BEND2: variants seen among roughly 807,000 people sequenced by gnomAD.
BEND2 encodes the protein BEN domain containing 2.
Under a neutral mutation model 43.8 loss-of-function variants are expected in BEND2, and 19 were observed. The ratio of observed to expected loss-of-function variants is 0.43; its 90% confidence interval spans 0.30 to 0.64. BEND2 has a LOEUF of 0.64. Ranked by LOEUF, BEND2 falls within the 30% of genes least tolerant of loss-of-function variation. BEND2 has a pLI of 0.11. For missense variants in BEND2, 544 were observed against 574.0 expected, an observed-to-expected ratio of 0.95 and a Z score of 0.53; for synonymous variants, 226 against 210.1, an observed-to-expected ratio of 1.08 and a Z score of -0.66.
intron 13 of BEND2, 152 bp downstream of exon 13, chrX:18,170,849 C>T (rs1386960604): frequency 1.0e-6 from 1 of 995,050 alleles, no homozygotes; most frequent in African/African-American, 1.9e-5. Flanking sequence ...AATTCATGAT[C>T]TTGCTCCTTG....
chrX:18,220,389 G>A lies in BEND2; in HGVS notation c.25+337C>T, dbSNP rs186828840. On this transcript the variant is annotated intron_variant, in intron 1 of 13. Coordinates refer to ENST00000380033, the MANE Select transcript of BEND2 (RefSeq NM_153346.5). ...GGGCAACCAGGCCCAGCCTCTTGACGCACTCTCGGCACAAGCCCAAGTCAC... is the reference window on the plus strand; with the variant it reads ...GGGCAACCAGGCCCAGCCTCTTGACACACTCTCGGCACAAGCCCAAGTCAC... Among the ~76,000 whole-genome samples the A allele has an allele frequency of 2.5e-3, 277 of 112,153 alleles. 2 individuals carry two copies. In the Middle Eastern group the frequency reaches 0.051, roughly 21 times the overall value.
intron 13 of BEND2, 25 bp downstream of exon 13, chrX:18,170,976 C>A: frequency 8.3e-7 from 1 of 1,207,801 alleles, no homozygotes. Flanking sequence ...TTTATTTATT[C>A]AGACATACTC....
intron 11 of BEND2, among the ~76,000 whole-genome samples, chrX:18,174,751 G>A (rs1443205525): frequency 4.5e-5 from 5 of 110,684 alleles, no homozygotes; most frequent in African/African-American, 1.3e-4. Flanking sequence ...GAGCTCAGGC[G>A]TTAGTAACTA....
At chrX:18,208,786 G>A (rs962359441) in intron 4 of BEND2, among the ~76,000 whole-genome samples, 1 of 111,510 alleles carries the variant, frequency 9.0e-6, no homozygotes, top group African/African-American at 3.3e-5. Context: ...AAATATAGAT[G>A]TATGTGTGTG....
intron 8 of BEND2, 121 bp from the exon 9 acceptor site, chrX:18,180,771 C>CTCTTTTTTTTTTTTCTTTCTT: frequency 2.0e-6 from 1 of 497,227 alleles, no homozygotes; most frequent in South Asian, 3.9e-5. Context: ...AGCAGACCTA[C>CTCTTTTTTTTTTTTCTTTCTT]TCTTTTTTTT....
At chrX:18,210,548 GCTT>G in intron 4 of BEND2, among the ~76,000 whole-genome samples, 1 of 111,923 alleles carries the variant, frequency 8.9e-6, no homozygotes, top group Admixed American at 9.5e-5. Context: ...TTTTCATCAA[GCTT>G]AACCATTTAT....
intron 8 of BEND2, among the ~76,000 whole-genome samples, chrX:18,185,400 G>A (rs756678411): frequency 1.8e-4 from 20 of 108,672 alleles, no homozygotes; most frequent in East Asian, 1.4e-3. Flanking sequence ...GCATGGTGGC[G>A]CGTGCCTATA....
Position 18,171,053 on chromosome X carries a change from A to G in BEND2, c.2133T>C (p.Asn711=). The part of the protein sequence containing the change: ...DVLVQSNVYG[N]LKHGLCALDP... ...CAAGGGCACACAGGCCATGCTTCAG[A>G]TTGCCATAGACGTTACTTTGGACCA... Residue 711 remains asparagine, a synonymous_variant, in exon 13 of 14, where the codon AAT becomes AAC. Coordinates refer to ENST00000380033, the MANE Select transcript of BEND2 (RefSeq NM_153346.5). 2 of 1,211,873 alleles carry G rather than the reference A, an allele frequency of 1.7e-6. No homozygotes were observed. Among genetic ancestry groups the G allele is most frequent in the Non-Finnish European group, 1.1e-6 (1 of 895,236 alleles).
At chrX:18,175,517 C>T (rs980762687) in intron 11 of BEND2, among the ~76,000 whole-genome samples, 3 of 111,921 alleles carry the variant, frequency 2.7e-5, no homozygotes, top group Non-Finnish European at 5.6e-5. Flanking sequence ...AATCGTTTAA[C>T]GTCATGACAT....
intron 3 of BEND2, among the ~76,000 whole-genome samples, chrX:18,213,143 G>A (rs1468736399): frequency 8.9e-6 from 1 of 111,860 alleles, no homozygotes; most frequent in Non-Finnish European, 1.9e-5. Context: ...GTTAACATCA[G>A]TTGAGATGAT....
Position 18,188,180 on chromosome X carries a change from A to G in BEND2, c.1288+2821T>C, listed in dbSNP as rs766666942. On this transcript the variant is annotated intron_variant, in intron 8 of 13. Transcript: ENST00000380033. ...TTAGTAGAAGAAAATAATAATAAAG[A>G]TCAGAGCAGAAGCAAAAGAATTTAA... is the stretch of plus-strand genomic sequence containing the variant. Among the ~76,000 whole-genome samples, 20 of 111,553 alleles carry G rather than the reference A, an allele frequency of 1.8e-4. No homozygotes were observed. In the South Asian group the frequency reaches 7.5e-3, roughly 42 times the overall value.
intron 3 of BEND2, among the ~76,000 whole-genome samples, chrX:18,213,038 G>T (rs1346517108): frequency 9.0e-6 from 1 of 111,559 alleles, no homozygotes; most frequent in East Asian, 2.8e-4. Context: ...ATGGCATTGT[G>T]TCCAAAATGT....
At chrX:18,181,688 C>G (rs1201769631) in intron 8 of BEND2, among the ~76,000 whole-genome samples, 5 of 111,686 alleles carry the variant, frequency 4.5e-5, no homozygotes, top group African/African-American at 1.6e-4. Context: ...CTGATTCCAA[C>G]AGGCAGTGAT....
chrX:18,178,599 T>C (rs2147396539), intron 9 of BEND2, among the ~76,000 whole-genome samples: 1 of 111,932 alleles, frequency 8.9e-6, no homozygotes, highest in South Asian at 3.7e-4. Flanking sequence ...AGCATTTCTC[T>C]GTTTTCATCT....
chrX:18,203,829 T>C lies in BEND2; in HGVS notation c.579A>G (p.Ala193=), dbSNP rs1265776204. 1.7e-6 allele frequency: 2 copies of C among 1,210,619 alleles called. No homozygotes were observed. The highest frequency in any genetic ancestry group is 3.0e-5 in the East Asian group (1 of 33,852). Residue 193 remains alanine, a synonymous_variant, in exon 5 of 14, where the codon GCA becomes GCG. Transcript: ENST00000380033. Reference sequence around the variant, plus strand: ...GGTCTGCTTCCTGCAGTTCATGACATGCTGCTGACTCAAGAGATGTTACAG... The same window carrying C: ...GGTCTGCTTCCTGCAGTTCATGACACGCTGCTGACTCAAGAGATGTTACAG... ...SPAVTSLESA[A]CHELQEADLS...
chrX:18,183,507 AG>A (rs1924466178), intron 8 of BEND2, among the ~76,000 whole-genome samples: 1 of 112,569 alleles, frequency 8.9e-6, no homozygotes, highest in South Asian at 3.7e-4. Context: ...TACACAAAAA[AG>A]CACCTTAATA....
chrX:18,190,896 A>G (rs1268192019), intron 8 of BEND2, 105 bp downstream of exon 8: 2 of 644,422 alleles, frequency 3.1e-6, no homozygotes, highest in Admixed American at 7.8e-5. Context: ...TTTTTGTAAA[A>G]TAGTACTATT....
At position 18,214,684 on chromosome X, in the gene BEND2, C is replaced by T. The variant is rs1479663191; in HGVS notation, c.239-773G>A. 3.8e-5 allele frequency among the ~76,000 whole-genome samples: 4 copies of T among 105,996 alleles called. No homozygotes were observed. The South Asian group carries it at 1.3e-3, about 35-fold the overall frequency. 92.0% of individuals were successfully genotyped at this position (105,996 alleles called of 115,157 possible). On this transcript the variant is annotated intron_variant, in intron 2 of 13. Transcript: ENST00000380033. ...ATTAAAAATACAAAAATTAGCCAGG[C>T]GTGGTGGTGGCAGCTACTCAGGAAG...
intron 6 of BEND2, among the ~76,000 whole-genome samples, chrX:18,196,074 G>A (rs1306479804): frequency 7.2e-5 from 8 of 111,234 alleles, no homozygotes; most frequent in Non-Finnish European, 1.5e-4. Context: ...CGAGGTGGGC[G>A]GATCCCCTGA....
Sources: allele counts gnomAD v4.1 joint callset (sites outside exome capture counted in the v4.1 genomes callset), GRCh38; gene constraint gnomAD v4.1.1; transcripts MANE v1.5; gene names NCBI Gene and HGNC (gene_info 2026-07-23, HGNC 2026-07-21).